The following RHOU variants were observed in gnomAD, a reference collection of about 807,000 sequenced individuals.
RHOU encodes the protein ras homolog family member U, also known as rho-related GTP-binding protein RhoU.
A neutral mutation model predicts 12.6 loss-of-function variants in RHOU; 8 were observed. The observed-to-expected ratio is 0.64, with a 90% CI of 0.37 to 1.15. RHOU has a LOEUF of 1.15. Ranked by LOEUF, RHOU falls within the 50% of genes most tolerant of loss-of-function variation. The probability of loss-of-function intolerance (pLI) is 0.01; values close to 1 mark genes in which losing one functional copy is unlikely to be tolerated. For synonymous variants in RHOU, 161 were observed against 147.4 expected (o/e 1.09, Z -0.67); for missense variants, 258 against 347.0 (o/e 0.74, Z 2.04).
At chr1:228,647,035 G>T in the RHOU span, among the ~76,000 whole-genome samples, 2 of 152,128 alleles carry the variant, frequency 1.3e-5, no homozygotes, top group African/African-American at 2.4e-5. Context: ...CCAGAAGAGT[G>T]AGGAGGAGGG....
the RHOU span, among the ~76,000 whole-genome samples, chr1:228,718,391 T>C: frequency 0.17 from 25,244 of 152,086 alleles, 2,301 homozygotes; most frequent in South Asian, 0.22. Flanking sequence ...CAGAATATAA[T>C]GGCTGAAAAC....
the RHOU span, among the ~76,000 whole-genome samples, chr1:228,664,067 G>C: frequency 2.1e-5 from 3 of 145,998 alleles, no homozygotes; most frequent in Non-Finnish European, 4.5e-5. Context: ...CGCCCAGGCT[G>C]GAGAGCAGTG....
the RHOU span, among the ~76,000 whole-genome samples, chr1:228,659,927 T>C: frequency 7.8e-6 from 1 of 128,172 alleles, no homozygotes; most frequent in East Asian, 2.4e-4. Flanking sequence ...AAGACTAGCC[T>C]GGGAAACATG....
chr1:228,689,350 A>G, the RHOU span, among the ~76,000 whole-genome samples: 1 of 152,004 alleles, frequency 6.6e-6, no homozygotes, highest in East Asian at 1.9e-4. Flanking sequence ...GGGCCCAGCA[A>G]ATGTGTAATA....
At chr1:228,712,859 AAATAAAATAAAAT>A in the RHOU span, among the ~76,000 whole-genome samples, 18 of 104,780 alleles carry the variant, frequency 1.7e-4, no homozygotes, top group African/African-American at 9.6e-4. Context: ...AAATAAAATA[AAATAAAATAAAAT>A]AAAATACCCA....
At chr1:228,672,757 C>T in the RHOU span, among the ~76,000 whole-genome samples, 1 of 152,174 alleles carries the variant, frequency 6.6e-6, no homozygotes, top group Non-Finnish European at 1.5e-5. Flanking sequence ...GGGTATGATC[C>T]AAACTTGCGT....
chr1:228,719,321 T>C, the RHOU span, among the ~76,000 whole-genome samples: 3 of 152,370 alleles, frequency 2.0e-5, no homozygotes, highest in East Asian at 5.8e-4. Flanking sequence ...GGATTTTCAA[T>C]TTATAAAATC....
chr1:228,743,526 C>T lies in RHOU; in HGVS notation c.563C>T (p.Ala188Val), dbSNP rs1319630683. ...GAAAAGCCAGTGCCTGAAGAGGCGG[C>T]TAAGCTGTGCGCCGAGGAAATCAAA... ...CKEKPVPEEA[A>V]KLCAEEIKAA... The change falls in exon 3 of 3, where the codon GCT becomes GTT. Residue 188 changes from alanine (A) to valine (V), a missense_variant. Ala to Val is a moderately conservative substitution (Grantham distance 64, BLOSUM62 0). Transcript: ENST00000366691. The surrounding 1 kb of genome is among the most constrained non-coding windows in gnomAD (Gnocchi z 5.1). 2 of 1,614,170 alleles carry T rather than the reference C, an allele frequency of 1.2e-6. No homozygotes were observed. The highest frequency in any genetic ancestry group is 1.7e-6 in the Non-Finnish European group (2 of 1,180,040).
chr1:228,710,598 C>T, the RHOU span, among the ~76,000 whole-genome samples: 12 of 151,138 alleles, frequency 7.9e-5, no homozygotes, highest in African/African-American at 2.4e-4. Context: ...AGGCCTTTGA[C>T]AAAATTCAAC....
the RHOU span, among the ~76,000 whole-genome samples, chr1:228,716,748 ATG>A: frequency 1.4e-5 from 1 of 73,340 alleles, no homozygotes; most frequent in African/African-American, 1.5e-4. Flanking sequence ...ATACACACAC[ATG>A]TGTGTGTATA....
the RHOU span, among the ~76,000 whole-genome samples, chr1:228,667,327 G>C: frequency 6.6e-6 from 1 of 152,218 alleles, no homozygotes; most frequent in Non-Finnish European, 1.5e-5. Context: ...TGGAAGCCCA[G>C]AGGGAGGGAT....
chr1:228,673,057 A>G, the RHOU span, among the ~76,000 whole-genome samples: 3 of 152,234 alleles, frequency 2.0e-5, no homozygotes, highest in Non-Finnish European at 2.9e-5. Context: ...AAAAAAATTC[A>G]TATTGAAATA....
chr1:228,661,709 C>T, the RHOU span, among the ~76,000 whole-genome samples: 5 of 152,104 alleles, frequency 3.3e-5, no homozygotes, highest in Admixed American at 1.3e-4. Flanking sequence ...AACATTAGGC[C>T]TAAAACCATA....
the RHOU span, among the ~76,000 whole-genome samples, chr1:228,697,030 G>A: frequency 6.6e-6 from 1 of 152,210 alleles, no homozygotes; most frequent in Admixed American, 6.5e-5. Flanking sequence ...GCTCCCACCA[G>A]ATCTGACTAG....
At chr1:228,732,460 G>C (rs1662515523), upstream of RHOU, among the ~76,000 whole-genome samples, 1 of 152,126 alleles carries the variant, frequency 6.6e-6, no homozygotes, top group Admixed American at 6.5e-5. Context: ...CGTAAAAAGG[G>C]GTAAAGTAAA....
At chr1:228,704,902 G>A in the RHOU span, among the ~76,000 whole-genome samples, 7 of 151,932 alleles carry the variant, frequency 4.6e-5, no homozygotes, top group South Asian at 2.1e-4. Flanking sequence ...TCCTGGGTTC[G>A]TGATTCTCCT....
the RHOU span, among the ~76,000 whole-genome samples, chr1:228,693,048 A>G: frequency 6.6e-6 from 1 of 152,218 alleles, no homozygotes. Flanking sequence ...GGGTACAACA[A>G]GGGCCTTTTC....
At chr1:228,722,882 A>G in the RHOU span, among the ~76,000 whole-genome samples, 1 of 152,124 alleles carries the variant, frequency 6.6e-6, no homozygotes, top group Non-Finnish European at 1.5e-5. Context: ...CGGCCTCCCA[A>G]AGTGCTGGGA....
chr1:228,707,126 A>ATATATATATATATG, the RHOU span, among the ~76,000 whole-genome samples: 398 of 75,362 alleles, frequency 5.3e-3, 12 homozygotes, highest in African/African-American at 0.054. Flanking sequence ...ATATATATAT[A>ATATATATATATATG]CATATATATA....
Sources: gnomAD v4.1 joint callset for allele counts (sites outside exome capture counted in the v4.1 genomes callset) on GRCh38, gnomAD v4.1.1 for gene constraint, Gnocchi (gnomAD v3.1) non-coding constraint, MANE v1.5 for transcripts, NCBI Gene and HGNC (gene_info 2026-07-23, HGNC 2026-07-21) for gene names.